Variants in HSDL2 observed in about 807,000 individuals in gnomAD.
The protein encoded by HSDL2 is hydroxysteroid dehydrogenase like 2, also known as hydroxysteroid dehydrogenase-like protein 2.
Under a neutral mutation model 46.3 loss-of-function variants are expected in HSDL2, and 27 were observed. That is an observed-to-expected ratio of 0.58 (90% confidence interval 0.43 to 0.80). The LOEUF (loss-of-function observed/expected upper bound fraction) is 0.80, where lower values mean the gene tolerates loss of function less well. HSDL2 is among the 30% of genes least tolerant of loss of function. HSDL2 has a pLI of 0.00. For synonymous variants in HSDL2, 153 were observed against 163.6 expected, an observed-to-expected ratio of 0.94 and a Z score of 0.50; for missense variants, 451 against 502.7, an observed-to-expected ratio of 0.90 and a Z score of 0.98.
At position 112,400,483 on chromosome 9, in the gene HSDL2, T is replaced by C. The variant is rs181572467; in HGVS notation, c.18-3512T>C. Reference sequence around the variant, plus strand: ...TTGGCTGGGCGTGGTGGCGCATGCCTGTAGTCCCAGCTACTTGGGAGGCTG... The same window carrying C: ...TTGGCTGGGCGTGGTGGCGCATGCCCGTAGTCCCAGCTACTTGGGAGGCTG... On this transcript the variant is annotated intron_variant, in intron 1 of 10. Coordinates refer to ENST00000398805, the MANE Select transcript of HSDL2 (RefSeq NM_032303.5). Among the ~76,000 whole-genome samples the C allele has an allele frequency of 4.6e-3, 698 of 152,324 alleles. 11 individuals are homozygous for C. The highest frequency in any genetic ancestry group is 0.016 in the African/African-American group (672 of 41,572).
intron 1 of HSDL2, among the ~76,000 whole-genome samples, chr9:112,400,176 G>A (rs1831556998): frequency 6.6e-6 from 1 of 152,202 alleles, no homozygotes; most frequent in Admixed American, 6.5e-5. Context: ...CTGGGGAAGT[G>A]CAAATGAAAA....
At chr9:112,438,681 T>A in intron 7 of HSDL2, 56 bp downstream of exon 7, 1 of 999,532 alleles carries the variant, frequency 1.0e-6, no homozygotes, top group Non-Finnish European at 1.5e-6. Flanking sequence ...TTTTCTGCAA[T>A]GAACATATCT....
intron 3 of HSDL2, among the ~76,000 whole-genome samples, chr9:112,407,040 T>C (rs1831748107): frequency 6.7e-6 from 1 of 149,916 alleles, no homozygotes; most frequent in African/African-American, 2.4e-5. Context: ...TTAGCAAGGC[T>C]GTACTTATAA....
chr9:112,442,199 G>T (rs1434931612), intron 8 of HSDL2, among the ~76,000 whole-genome samples: 2 of 139,774 alleles, frequency 1.4e-5, no homozygotes, highest in African/African-American at 5.4e-5. Context: ...ATCCCGGGAA[G>T]TTGAAGTTTC....
chr9:112,440,523 T>C (rs1410770173), intron 7 of HSDL2, among the ~76,000 whole-genome samples: 1 of 152,198 alleles, frequency 6.6e-6, no homozygotes, highest in East Asian at 1.9e-4. Context: ...CTTGGAGTTA[T>C]CAGTGTAATT....
intron 10 of HSDL2, among the ~76,000 whole-genome samples, chr9:112,465,254 G>A (rs1394644247): frequency 6.6e-6 from 1 of 152,062 alleles, no homozygotes; most frequent in Non-Finnish European, 1.5e-5. Flanking sequence ...TCAGTCTCCT[G>A]GGTAGCTGGG....
intron 1 of HSDL2, among the ~76,000 whole-genome samples, chr9:112,382,022 G>A (rs1162974883): frequency 6.6e-6 from 1 of 152,154 alleles, no homozygotes; most frequent in Non-Finnish European, 1.5e-5. Flanking sequence ...CGGATCACTG[G>A]AGGTCAAGAG....
chr9:112,443,160 C>T lies in HSDL2; in HGVS notation c.865+1390C>T, dbSNP rs1278926498. On this transcript the variant is annotated intron_variant, in intron 8 of 10. Transcript: ENST00000398805. Reference sequence around the variant, plus strand: ...GTCCCAAACTCCGATTTTTGCCCAACGCCCTAAGGTTGGATCTGTCTTTTA... The same window carrying T: ...GTCCCAAACTCCGATTTTTGCCCAATGCCCTAAGGTTGGATCTGTCTTTTA... 5.9e-5 allele frequency among the ~76,000 whole-genome samples: 9 copies of T among 152,268 alleles called. No individual in the cohort carries two copies. In the East Asian group the frequency reaches 7.7e-4, roughly 13 times the overall value.
At chr9:112,462,156 G>A (rs1833229377) in intron 10 of HSDL2, among the ~76,000 whole-genome samples, 1 of 151,972 alleles carries the variant, frequency 6.6e-6, no homozygotes, top group Non-Finnish European at 1.5e-5. Context: ...TTTATGTAGT[G>A]GATACATTAT....
At chr9:112,422,815 A>C (rs1832154557) in intron 6 of HSDL2, among the ~76,000 whole-genome samples, 1 of 152,260 alleles carries the variant, frequency 6.6e-6, no homozygotes, top group South Asian at 2.1e-4. Context: ...AGAACCTCAG[A>C]ATTTCAAGGA....
intron 1 of HSDL2, among the ~76,000 whole-genome samples, chr9:112,400,182 GA>G (rs1186273312): frequency 1.3e-5 from 2 of 152,206 alleles, no homozygotes; most frequent in Admixed American, 6.5e-5. Context: ...AAGTGCAAAT[GA>G]AAATCACCTT....
intron 1 of HSDL2, among the ~76,000 whole-genome samples, chr9:112,391,228 G>A (rs1831337191): frequency 6.6e-6 from 1 of 151,666 alleles, no homozygotes; most frequent in South Asian, 2.1e-4. Context: ...TGCTTTGGGA[G>A]GCTGAGGCAG....
At chr9:112,420,492 A>G (rs1304082168) in intron 6 of HSDL2, among the ~76,000 whole-genome samples, 2 of 143,006 alleles carry the variant, frequency 1.4e-5, no homozygotes, top group Non-Finnish European at 3.1e-5. Context: ...CCTGGGCAAC[A>G]TAGTGAGGCC....
intron 6 of HSDL2, among the ~76,000 whole-genome samples, chr9:112,419,434 A>G (rs572074507): frequency 6.6e-6 from 1 of 152,212 alleles, no homozygotes; most frequent in African/African-American, 2.4e-5. Flanking sequence ...ATCCTTTTCA[A>G]TCATCTTCCT....
chr9:112,456,829 AG>A lies in HSDL2; in HGVS notation c.1016-2619del, dbSNP rs574617240. ...GTCTGGCTTGCTGTGTCTCTTGGGC[AG>A]TGTCGATCCACACCCTCTCTCTGCA... On this transcript the variant is annotated intron_variant, in intron 9 of 10. Coordinates refer to ENST00000398805, the MANE Select transcript of HSDL2 (RefSeq NM_032303.5). Among the ~76,000 whole-genome samples, 25 of 151,760 alleles carry A rather than the reference AG, an allele frequency of 1.6e-4. No individual in the cohort carries two copies. The South Asian group carries it at 5.0e-3, about 30-fold the overall frequency.
rs368112589 is a variant in HSDL2 at position 112,408,995 on chromosome 9, C to T, written c.369C>T (p.Asn123=). 39 of 1,605,838 alleles carry T rather than the reference C, an allele frequency of 2.4e-5. No individual in the cohort carries two copies. The African/African-American group carries it at 3.9e-4, about 16-fold the overall frequency. ...TPTKRLDLMM[N]VNTRGTYLAS... is the part of the protein sequence containing the mutation. ...CCAAGAGATTGGATCTGATGATGAA[C>T]GTGAACACCAGAGGCACCTACCTTG... Residue 123 remains asparagine, a synonymous_variant, in exon 4 of 11, where the codon AAC becomes AAT. Coordinates refer to ENST00000398805, the MANE Select transcript of HSDL2 (RefSeq NM_032303.5).
At chr9:112,441,431 G>T (rs1004891123) in intron 7 of HSDL2, among the ~76,000 whole-genome samples, 1 of 152,132 alleles carries the variant, frequency 6.6e-6, no homozygotes, top group African/African-American at 2.4e-5. Flanking sequence ...AAGGGCAGAG[G>T]TTCCTGGGAG....
intron 6 of HSDL2, among the ~76,000 whole-genome samples, chr9:112,425,280 CTTGGTAAG>C (rs1182651627): frequency 6.6e-6 from 1 of 152,020 alleles, no homozygotes; most frequent in Non-Finnish European, 1.5e-5. Context: ...ACTAAGTGGA[CTTGGTAAG>C]TTGGTAACTT....
intron 6 of HSDL2, among the ~76,000 whole-genome samples, chr9:112,436,965 T>TTTC (rs1405381598): frequency 3.0e-4 from 43 of 143,038 alleles, no homozygotes; most frequent in Admixed American, 7.5e-4. Context: ...TTTTTCTTTT[T>TTTC]TTTTTTTTTT....
Sources: gnomAD v4.1 joint callset for allele counts (sites outside exome capture counted in the v4.1 genomes callset) on GRCh38, gnomAD v4.1.1 for gene constraint, MANE v1.5 for transcripts, NCBI Gene and HGNC (gene_info 2026-07-23, HGNC 2026-07-21) for gene names.